Variants in ANTXR1 observed in about 807,000 individuals in gnomAD.
ANTXR1 encodes anthrax toxin receptor 1.
ANTXR1 carries 19 observed loss-of-function variants against 78.1 expected under a neutral mutation model. The observed-to-expected ratio is 0.24, with a 90% CI of 0.17 to 0.36. The LOEUF (loss-of-function observed/expected upper bound fraction) is 0.36, where lower values mean the gene tolerates loss of function less well. ANTXR1 is among the 10% of genes least tolerant of loss of function. The pLI is 1.00. For synonymous variants in ANTXR1, 273 were observed against 260.5 expected, an observed-to-expected ratio of 1.05 and a Z score of -0.46; for missense variants, 518 against 718.6, an observed-to-expected ratio of 0.72 and a Z score of 3.19.
At chr2:69,141,896 C>G (rs2104415637) in intron 12 of ANTXR1, among the ~76,000 whole-genome samples, 1 of 152,260 alleles carries the variant, frequency 6.6e-6, no homozygotes, top group Non-Finnish European at 1.5e-5. Context: ...CTGATACCCC[C>G]AAATAGATGC....
chr2:69,196,514 C>T (rs560161915), intron 17 of ANTXR1, among the ~76,000 whole-genome samples: 2 of 152,090 alleles, frequency 1.3e-5, no homozygotes, highest in South Asian at 2.1e-4. Context: ...GAATTCCAGG[C>T]GAGGCAGGGG....
intron 12 of ANTXR1, among the ~76,000 whole-genome samples, chr2:69,140,801 T>C (rs1383409685): frequency 1.3e-5 from 2 of 152,364 alleles, no homozygotes; most frequent in East Asian, 3.9e-4. Flanking sequence ...AACAGCCTCA[T>C]TGCTTTATAG....
At chr2:69,039,483 G>T (rs1669549107) in intron 1 of ANTXR1, among the ~76,000 whole-genome samples, 1 of 151,792 alleles carries the variant, frequency 6.6e-6, no homozygotes, top group South Asian at 2.1e-4. Flanking sequence ...TTCCTTAAGT[G>T]TTCAACTATC....
intron 14 of ANTXR1, among the ~76,000 whole-genome samples, chr2:69,172,800 G>A (rs1480374763): frequency 2.0e-5 from 3 of 152,202 alleles, no homozygotes; most frequent in South Asian, 2.1e-4. Context: ...TGTATGAAGA[G>A]GGTACAAAGA....
At chr2:69,082,338 G>C (rs1670921590) in intron 8 of ANTXR1, among the ~76,000 whole-genome samples, 1 of 152,178 alleles carries the variant, frequency 6.6e-6, no homozygotes, top group African/African-American at 2.4e-5. Context: ...CACCACGACA[G>C]TTTTCCCACT....
At chr2:69,145,932 G>A (rs1481365487) in intron 12 of ANTXR1, 1 of 985,582 alleles carries the variant, frequency 1.0e-6, no homozygotes, top group African/African-American at 1.7e-5. Context: ...CATTATTGAA[G>A]TTCCAAATGT....
chr2:69,124,777 C>A, intron 12 of ANTXR1, 134 bp downstream of exon 12: 1 of 871,794 alleles, frequency 1.1e-6, no homozygotes, highest in South Asian at 1.4e-5. Flanking sequence ...AGCTTTGATC[C>A]CAGCACTGCT....
At chr2:69,034,538 G>C (rs1046288156) in intron 1 of ANTXR1, among the ~76,000 whole-genome samples, 1 of 152,184 alleles carries the variant, frequency 6.6e-6, no homozygotes, top group African/African-American at 2.4e-5. Flanking sequence ...TCAGGGGCTA[G>C]AACTGCATTT....
chr2:69,048,511 A>G (rs1255347760), intron 3 of ANTXR1, among the ~76,000 whole-genome samples: 1 of 152,166 alleles, frequency 6.6e-6, no homozygotes, highest in African/African-American at 2.4e-5. Flanking sequence ...TATTTAAATT[A>G]GTACTTCTTC....
intron 3 of ANTXR1, among the ~76,000 whole-genome samples, chr2:69,070,013 G>T (rs975104754): frequency 1.3e-5 from 2 of 152,184 alleles, no homozygotes; most frequent in Non-Finnish European, 2.9e-5. Context: ...GGTCCACAAA[G>T]ATTCCATTTG....
chr2:69,119,622 C>T (rs1435601649), intron 10 of ANTXR1, among the ~76,000 whole-genome samples: 2 of 152,224 alleles, frequency 1.3e-5, no homozygotes, highest in Admixed American at 6.5e-5. Context: ...ACTGTCATCC[C>T]GCTCAGCCTC....
intron 13 of ANTXR1, among the ~76,000 whole-genome samples, chr2:69,162,435 C>G (rs1673704914): frequency 6.6e-6 from 1 of 152,094 alleles, no homozygotes; most frequent in Admixed American, 6.6e-5. Context: ...ACTTACACTA[C>G]TTGAGGTTTT....
At chr2:69,145,223 T>G (rs2104420730) in intron 12 of ANTXR1, 1 of 1,223,784 alleles carries the variant, frequency 8.2e-7, no homozygotes, top group Admixed American at 2.0e-5. Flanking sequence ...TCGCTTAAAC[T>G]TTAGGGACCC....
At chr2:69,090,374 CTTTCA>C (rs1415235710) in intron 8 of ANTXR1, among the ~76,000 whole-genome samples, 2 of 152,066 alleles carry the variant, frequency 1.3e-5, no homozygotes, top group African/African-American at 4.8e-5. Flanking sequence ...AACCCACTCC[CTTTCA>C]TTTGAGTCCC....
At chr2:69,153,148 T>A (rs1210236763) in intron 13 of ANTXR1, among the ~76,000 whole-genome samples, 1 of 152,186 alleles carries the variant, frequency 6.6e-6, no homozygotes, top group East Asian at 1.9e-4. Context: ...GGCATCTTCA[T>A]TTCCTGTATT....
intron 17 of ANTXR1, among the ~76,000 whole-genome samples, chr2:69,243,489 A>T (rs1675939001): frequency 6.6e-6 from 1 of 152,152 alleles, no homozygotes; most frequent in South Asian, 2.1e-4. Context: ...GTTTGGGGGA[A>T]AAGGGACATG....
At chr2:69,037,938 C>T (rs1342504073) in intron 1 of ANTXR1, among the ~76,000 whole-genome samples, 1 of 152,160 alleles carries the variant, frequency 6.6e-6, no homozygotes, top group Non-Finnish European at 1.5e-5. Context: ...CAGCTCCTCA[C>T]CTCCCCTCTA....
At chr2:69,033,889 T>C (rs1407744569) in intron 1 of ANTXR1, among the ~76,000 whole-genome samples, 1 of 152,212 alleles carries the variant, frequency 6.6e-6, no homozygotes, top group East Asian at 1.9e-4. Flanking sequence ...TCTGGTTGTA[T>C]GTGTGGCTAA....
At chr2:69,227,796 G>A (rs1244232172) in intron 17 of ANTXR1, among the ~76,000 whole-genome samples, 1 of 152,178 alleles carries the variant, frequency 6.6e-6, no homozygotes, top group Non-Finnish European at 1.5e-5. Context: ...TATAATTTCT[G>A]CTCACATTCA....
Sources: gnomAD v4.1 joint callset for allele counts (sites outside exome capture counted in the v4.1 genomes callset) on GRCh38, gnomAD v4.1.1 for gene constraint, MANE v1.5 for transcripts, NCBI Gene and HGNC (gene_info 2026-07-23, HGNC 2026-07-21) for gene names.